Variants in LURAP1L observed in about 807,000 individuals in gnomAD.
The protein encoded by LURAP1L is leucine rich adaptor protein 1 like.
A neutral mutation model predicts 13.8 loss-of-function variants in LURAP1L; 12 were observed. The observed-to-expected ratio is 0.87, with a 90% CI of 0.56 to 1.41. The LOEUF (loss-of-function observed/expected upper bound fraction) is 1.41. Ranked by LOEUF, LURAP1L falls within the 40% of genes most tolerant of loss-of-function variation. LURAP1L has a pLI of 0.00. For missense variants in LURAP1L, 375 were observed against 292.9 expected (o/e 1.28, Z -2.04); for synonymous variants, 139 against 119.2 (o/e 1.17, Z -1.08).
At chr9:12,782,300 C>T (rs989467076) in intron 1 of LURAP1L, among the ~76,000 whole-genome samples, 2 of 152,150 alleles carry the variant, frequency 1.3e-5, no homozygotes, top group Admixed American at 1.3e-4. Context: ...GTTGCCTATG[C>T]TTATGGGATA....
intron 1 of LURAP1L, among the ~76,000 whole-genome samples, chr9:12,814,001 A>T (rs1358746363): frequency 6.6e-6 from 1 of 152,218 alleles, no homozygotes; most frequent in Non-Finnish European, 1.5e-5. Flanking sequence ...GACAATAAAA[A>T]GTGCTGTATA....
intron 1 of LURAP1L, among the ~76,000 whole-genome samples, chr9:12,795,320 C>G (rs1365069118): frequency 6.6e-6 from 1 of 151,950 alleles, no homozygotes; most frequent in East Asian, 1.9e-4. Flanking sequence ...GTGGCTAGAA[C>G]CAGGTCCAGT....
chr9:12,808,313 T>C (rs1247875820), intron 1 of LURAP1L, among the ~76,000 whole-genome samples: 1 of 152,142 alleles, frequency 6.6e-6, no homozygotes, highest in Non-Finnish European at 1.5e-5. Context: ...TAGTATTTAC[T>C]ACTTCACTTT....
intron 1 of LURAP1L, among the ~76,000 whole-genome samples, chr9:12,820,013 G>T (rs912959999): frequency 6.6e-6 from 1 of 152,106 alleles, no homozygotes; most frequent in Non-Finnish European, 1.5e-5. Context: ...GGCCAAACAT[G>T]GTCCTGCCAG....
intron 1 of LURAP1L, among the ~76,000 whole-genome samples, chr9:12,809,185 C>T (rs1054118181): frequency 1.9e-4 from 29 of 152,178 alleles, no homozygotes; most frequent in African/African-American, 6.8e-4. Context: ...ACCGAAACAC[C>T]TCCTACCAGG....
At chr9:12,784,533 A>G (rs1336835894) in intron 1 of LURAP1L, among the ~76,000 whole-genome samples, 1 of 152,134 alleles carries the variant, frequency 6.6e-6, no homozygotes, top group Non-Finnish European at 1.5e-5. Context: ...CTCTTACTTT[A>G]CCCCAAACAA....
chr9:12,785,285 G>A (rs140611033), intron 1 of LURAP1L, among the ~76,000 whole-genome samples: 2 of 152,166 alleles, frequency 1.3e-5, no homozygotes, highest in African/African-American at 2.4e-5. Context: ...CAAACAGAAG[G>A]TGTCTCTGCC....
chr9:12,793,878 A>C (rs1452436428), intron 1 of LURAP1L, among the ~76,000 whole-genome samples: 1 of 152,106 alleles, frequency 6.6e-6, no homozygotes, highest in Non-Finnish European at 1.5e-5. Context: ...AAATGAGCTC[A>C]AAATATGGTC....
intron 1 of LURAP1L, among the ~76,000 whole-genome samples, chr9:12,780,653 C>G (rs1279197496): frequency 2.6e-5 from 4 of 151,838 alleles, no homozygotes; most frequent in African/African-American, 9.7e-5. Context: ...CGAAATGTGC[C>G]CATTTACTGT....
chr9:12,822,727 A>G lies in LURAP1L; in HGVS notation c.*967A>G, dbSNP rs907936546. 3.3e-5 allele frequency among the ~76,000 whole-genome samples: 5 copies of G among 152,186 alleles called. No individual in the cohort carries two copies. The highest frequency in any genetic ancestry group is 5.9e-5 in the Non-Finnish European group (4 of 68,030). On this transcript the variant is annotated 3_prime_UTR_variant, in exon 2 of 2. Transcript: ENST00000319264. Reference sequence around the variant, plus strand: ...TATACATTCATCCTAGTATAAATAAATAATCTCTAAGTTTTCTGAAATGGA... The same window carrying G: ...TATACATTCATCCTAGTATAAATAAGTAATCTCTAAGTTTTCTGAAATGGA...
chr9:12,805,912 C>A (rs928151195), intron 1 of LURAP1L, among the ~76,000 whole-genome samples: 1 of 152,106 alleles, frequency 6.6e-6, no homozygotes, highest in African/African-American at 2.4e-5. Flanking sequence ...AAATGTGGAA[C>A]TTCCTGGCCA....
chr9:12,780,239 G>A (rs554080366), intron 1 of LURAP1L, among the ~76,000 whole-genome samples: 27 of 152,262 alleles, frequency 1.8e-4, no homozygotes, highest in African/African-American at 6.3e-4. Context: ...TTTCCAACAG[G>A]AACTCAGTTA....
intron 1 of LURAP1L, among the ~76,000 whole-genome samples, chr9:12,799,129 C>A (rs1453876099): frequency 6.6e-6 from 1 of 152,072 alleles, no homozygotes; most frequent in South Asian, 2.1e-4. Flanking sequence ...ATCAGAACAT[C>A]AAGATATTTG....
At chr9:12,802,345 G>T (rs1316968896) in intron 1 of LURAP1L, among the ~76,000 whole-genome samples, 3 of 152,224 alleles carry the variant, frequency 2.0e-5, no homozygotes, top group African/African-American at 7.2e-5. Context: ...AATCATGGTG[G>T]TGATTCCTCA....
At chr9:12,776,531 C>T (rs777401331) in intron 1 of LURAP1L, among the ~76,000 whole-genome samples, 26 of 152,030 alleles carry the variant, frequency 1.7e-4, no homozygotes, top group Non-Finnish European at 3.2e-4. Flanking sequence ...CCACCAGTAC[C>T]GCTCCGCCCT....
chr9:12,815,560 C>G (rs1819793858), intron 1 of LURAP1L, among the ~76,000 whole-genome samples: 2 of 152,106 alleles, frequency 1.3e-5, no homozygotes, highest in Non-Finnish European at 1.5e-5. Flanking sequence ...CCTTCTAATT[C>G]ATATTACAGC....
chr9:12,803,750 T>C (rs1322190143), intron 1 of LURAP1L, among the ~76,000 whole-genome samples: 2 of 152,244 alleles, frequency 1.3e-5, no homozygotes, highest in Admixed American at 1.3e-4. Flanking sequence ...TCAAACACTT[T>C]AATTGTTCAA....
chr9:12,818,551 GTA>G (rs1435911751), intron 1 of LURAP1L, among the ~76,000 whole-genome samples: 1 of 152,190 alleles, frequency 6.6e-6, no homozygotes, highest in Non-Finnish European at 1.5e-5. Context: ...ATCATTGGCA[GTA>G]TATGACAGTA....
chr9:12,821,338 C>G, intron 1 of LURAP1L, 48 bp from the exon 2 acceptor site: 2 of 1,567,880 alleles, frequency 1.3e-6, no homozygotes, highest in Non-Finnish European at 1.7e-6. Flanking sequence ...TGAGGCCTTT[C>G]GAGAGTGTAA....
Sources: allele counts gnomAD v4.1 joint callset (sites outside exome capture counted in the v4.1 genomes callset), GRCh38; gene constraint gnomAD v4.1.1; transcripts MANE v1.5; gene names NCBI Gene and HGNC (gene_info 2026-07-23, HGNC 2026-07-21).